Variants in ARHGEF17 observed in about 807,000 individuals in gnomAD.
The protein encoded by ARHGEF17 is 164 kDa Rho-specific guanine-nucleotide exchange factor.
A neutral mutation model predicts 174.0 loss-of-function variants in ARHGEF17; 80 were observed. The observed-to-expected ratio is 0.46, with a 90% CI of 0.38 to 0.55. ARHGEF17 has a LOEUF of 0.55. Ranked by LOEUF, ARHGEF17 falls within the 20% of genes least tolerant of loss-of-function variation. The pLI is 0.00. For missense variants in ARHGEF17, 2,886 were observed against 2,839.7 expected (o/e 1.02, Z -0.37); for synonymous variants, 1,311 against 1,189.1 (o/e 1.10, Z -2.11).
intron 3 of ARHGEF17, among the ~76,000 whole-genome samples, chr11:73,355,165 C>T (rs1379733597): frequency 1.3e-5 from 2 of 152,158 alleles, no homozygotes; most frequent in African/African-American, 2.4e-5. Context: ...CTGTGTCACT[C>T]AGAGAATGGG....
chr11:73,333,163 A>G (rs1002965943), intron 1 of ARHGEF17, among the ~76,000 whole-genome samples: 4 of 152,060 alleles, frequency 2.6e-5, no homozygotes, highest in East Asian at 1.9e-4. Flanking sequence ...CTTATTGCCA[A>G]TAATAATGAC....
chr11:73,323,148 C>G (rs1565190939), intron 1 of ARHGEF17, among the ~76,000 whole-genome samples: 1 of 152,104 alleles, frequency 6.6e-6, no homozygotes, highest in South Asian at 2.1e-4. Context: ...TCAGGGGGGT[C>G]CCTGAAGAGC....
chr11:73,341,794 A>T (rs74749711), intron 1 of ARHGEF17, among the ~76,000 whole-genome samples: 25,227 of 152,124 alleles, frequency 0.17, 2,906 homozygotes, highest in African/African-American at 0.33. Flanking sequence ...TGGGGTCAGG[A>T]TGTCCACTGT....
chr11:73,308,673 G>T lies in ARHGEF17; in HGVS notation c.35G>T (p.Arg12Leu), dbSNP rs1293108247. The T allele has an allele frequency of 4.0e-6, 6 of 1,517,606 alleles. No homozygotes were observed. Among genetic ancestry groups the T allele is most frequent in the Non-Finnish European group, 5.3e-6 (6 of 1,136,022 alleles). The allele number at this position is 1,517,606 out of a possible 1,614,324, so 94.0% of individuals were successfully genotyped here. Residue 12 changes from arginine to leucine, a missense_variant, in exon 1 of 21, where the codon CGC becomes CTC. Coordinates refer to ENST00000263674, the MANE Select transcript of ARHGEF17 (RefSeq NM_014786.4). Reference sequence around the variant, plus strand: ...GGGGCACCCCGGCCCCAGCTTTACCGCAGCGTCTCGTTCAAGCTGCTGGAG... The same window carrying T: ...GGGGCACCCCGGCCCCAGCTTTACCTCAGCGTCTCGTTCAAGCTGCTGGAG... ...ADGAPRPQLY[R>L]SVSFKLLERW...
intron 6 of ARHGEF17, 64 bp downstream of exon 6, chr11:73,356,415 CTG>C (rs1352920612): frequency 1.3e-6 from 2 of 1,501,970 alleles, no homozygotes; most frequent in East Asian, 2.5e-5. Flanking sequence ...CACTCGGCCT[CTG>C]TGTGCATCTG....
chr11:73,357,185 C>T, intron 8 of ARHGEF17, 51 bp downstream of exon 8: 1 of 1,612,740 alleles, frequency 6.2e-7, no homozygotes, highest in Non-Finnish European at 8.5e-7. Context: ...GAGCATTTGT[C>T]CCTCTCTGAG....
chr11:73,311,362 G>C lies in ARHGEF17; in HGVS notation c.2724G>C (p.Lys908Asn). The C allele has an allele frequency of 1.2e-6, 2 of 1,613,322 alleles. No individual in the cohort carries two copies. Among genetic ancestry groups the C allele is most frequent in the Non-Finnish European group, 1.7e-6 (2 of 1,180,038 alleles). Reference sequence around the variant, plus strand: ...ACCGAAACTTTCACCTTGACCCCAAGCTGGCTGACATTCTGTCCCCGAGGC... The same window carrying C: ...ACCGAAACTTTCACCTTGACCCCAACCTGGCTGACATTCTGTCCCCGAGGC... ...TAHRNFHLDP[K>N]LADILSPRLI... Residue 908 changes from lysine (K) to asparagine (N), a missense_variant, in exon 1 of 21, where the codon AAG becomes AAC. Physicochemically the swap from Lys to Asn is moderately conservative, Grantham distance 94 (BLOSUM62 0). This residue lies in a region of ARHGEF17 where 1,728 missense variants were observed against 1,461.2 expected (regional missense o/e 1.18). Transcript: ENST00000263674.
At chr11:73,344,540 G>A (rs545599177) in intron 1 of ARHGEF17, among the ~76,000 whole-genome samples, 30 of 152,324 alleles carry the variant, frequency 2.0e-4, no homozygotes, top group Non-Finnish European at 3.8e-4. Context: ...TTGTGTGGGC[G>A]GGGGAGTGTG....
intron 1 of ARHGEF17, among the ~76,000 whole-genome samples, chr11:73,337,035 G>C (rs753358874): frequency 6.6e-6 from 1 of 152,212 alleles, no homozygotes; most frequent in Non-Finnish European, 1.5e-5. Context: ...TTTCTGCTGT[G>C]CTCTGTGGTC....
At chr11:73,313,139 G>C (rs1864869182) in intron 1 of ARHGEF17, among the ~76,000 whole-genome samples, 1 of 152,140 alleles carries the variant, frequency 6.6e-6, no homozygotes, top group Non-Finnish European at 1.5e-5. Flanking sequence ...CTTTCTCTTT[G>C]TTTCTCTCTC....
intron 3 of ARHGEF17, among the ~76,000 whole-genome samples, chr11:73,354,608 G>T (rs1190817551): frequency 6.6e-6 from 1 of 152,096 alleles, no homozygotes; most frequent in Non-Finnish European, 1.5e-5. Context: ...CAGCTACTCC[G>T]GAGGCTGAGG....
chr11:73,341,807 A>C (rs529083269), intron 1 of ARHGEF17, among the ~76,000 whole-genome samples: 2 of 152,336 alleles, frequency 1.3e-5, no homozygotes. Flanking sequence ...TCCACTGTGC[A>C]GGAAACTCAG....
chr11:73,324,839 T>G (rs571932143), intron 1 of ARHGEF17, among the ~76,000 whole-genome samples: 45 of 152,294 alleles, frequency 3.0e-4, no homozygotes, highest in African/African-American at 9.6e-4. Flanking sequence ...AGTTGCTCAG[T>G]AAATATTAGT....
chr11:73,309,819 C>T lies in ARHGEF17; in HGVS notation c.1181C>T (p.Ser394Phe), dbSNP rs777405850. ...GGCTCCCGCGGTAGCAGCCGTTATT[C>T]CAGCACGGAGACCCTCAAGGACGAC... ...PAGSRGSSRY[S>F]STETLKDDDL... The change falls in exon 1 of 21, where the codon TCC becomes TTC. Residue 394 changes from serine (S) to phenylalanine (F), a missense_variant. Around this residue, in one of 4 missense-constraint regions of ARHGEF17, gnomAD observed 1,728 missense variants for 1,461.2 expected, o/e 1.18. Coordinates refer to ENST00000263674, the MANE Select transcript of ARHGEF17 (RefSeq NM_014786.4). 9.3e-6 allele frequency: 15 copies of T among 1,613,028 alleles called. No homozygotes were observed. The highest frequency in any genetic ancestry group is 1.3e-5 in the Non-Finnish European group (15 of 1,180,016).
At chr11:73,328,698 T>C (rs774022416) in intron 1 of ARHGEF17, among the ~76,000 whole-genome samples, 16 of 152,214 alleles carry the variant, frequency 1.1e-4, no homozygotes, top group African/African-American at 2.9e-4. Context: ...GGCTCCAAAC[T>C]TGGGGCTCCA....
intron 3 of ARHGEF17, among the ~76,000 whole-genome samples, chr11:73,354,649 G>A (rs1384943909): frequency 3.3e-5 from 5 of 151,848 alleles, no homozygotes; most frequent in Non-Finnish European, 7.4e-5. Flanking sequence ...GGGTGGCGGA[G>A]GTTGCAGTGA....
At position 73,363,859 on chromosome 11, in the gene ARHGEF17, A is replaced by G. The variant is rs1865791248; in HGVS notation, c.5333+26A>G. The G allele has an allele frequency of 2.5e-6, 4 of 1,608,060 alleles. No homozygotes were observed. In the African/African-American group the frequency reaches 4.0e-5, roughly 16 times the overall value. ...GTAAGGCCCCAGGGTGGCCCTTCCT[A>G]TCTAGACTCTTCTCAGCCACACGTG... On this transcript the variant is annotated intron_variant, in intron 16 of 20. Transcript: ENST00000263674.
chr11:73,337,931 G>T (rs1469527769), intron 1 of ARHGEF17, among the ~76,000 whole-genome samples: 4 of 152,148 alleles, frequency 2.6e-5, no homozygotes, highest in Non-Finnish European at 4.4e-5. Flanking sequence ...CCTAAGCAGG[G>T]CACTGTCCCC....
chr11:73,361,980 G>A lies in ARHGEF17; in HGVS notation c.4495-60G>A, dbSNP rs935607774. 2.5e-6 allele frequency: 4 copies of A among 1,574,792 alleles called. No individual in the cohort carries two copies. The African/African-American group carries it at 4.1e-5, about 16-fold the overall frequency. ...CATTCTGCCGGGGTTTCCCAGGAGT[G>A]GGGAATGCTGGCAGCAGTTCCTCCA... On this transcript the variant is annotated intron_variant, in intron 12 of 20. Transcript: ENST00000263674.
Sources: allele counts gnomAD v4.1 joint callset (sites outside exome capture counted in the v4.1 genomes callset), GRCh38; gene constraint gnomAD v4.1.1; regional missense constraint gnomAD v4.1.1; transcripts MANE v1.5; gene names NCBI Gene and HGNC (gene_info 2026-07-23, HGNC 2026-07-21).